The following TTC28 variants were observed in gnomAD, a reference collection of about 807,000 sequenced individuals.
TTC28 encodes the protein tetratricopeptide repeat protein 28.
Under a neutral mutation model 198.0 loss-of-function variants are expected in TTC28, and 61 were observed. That is an observed-to-expected ratio of 0.31 (90% CI 0.25 to 0.38). The LOEUF (loss-of-function observed/expected upper bound fraction) is 0.38. TTC28 is among the 10% of genes least tolerant of loss of function. The probability of loss-of-function intolerance (pLI) is 1.00; values close to 1 mark genes in which losing one functional copy is unlikely to be tolerated. For synonymous variants in TTC28, 1,171 were observed against 1,297.8 expected, an observed-to-expected ratio of 0.90 and a Z score of 2.10; for missense variants, 2,678 against 3,164.0, an observed-to-expected ratio of 0.85 and a Z score of 3.69.
intron 12 of TTC28, among the ~76,000 whole-genome samples, chr22:28,064,583 TA>T (rs1291659710): frequency 1.3e-5 from 2 of 152,134 alleles, no homozygotes; most frequent in African/African-American, 2.4e-5. Context: ...GATAATGGAA[TA>T]AAAATATTTT....
intron 5 of TTC28, among the ~76,000 whole-genome samples, chr22:28,179,807 C>G (rs1471926740): frequency 6.6e-6 from 1 of 152,136 alleles, no homozygotes; most frequent in Admixed American, 6.5e-5. Flanking sequence ...CCTGGCCAAT[C>G]CTGACCAATA....
intron 6 of TTC28, among the ~76,000 whole-genome samples, chr22:28,141,149 G>T (rs1943323487): frequency 6.6e-6 from 1 of 152,160 alleles, no homozygotes; most frequent in African/African-American, 2.4e-5. Context: ...GCTTCATTCA[G>T]GTCTCTGCTC....
At chr22:28,446,480 C>T (rs1473040332) in intron 2 of TTC28, among the ~76,000 whole-genome samples, 3 of 152,118 alleles carry the variant, frequency 2.0e-5, no homozygotes, top group Non-Finnish European at 4.4e-5. Context: ...GATCATGGGG[C>T]TGGATCCCTC....
At chr22:28,325,796 C>T (rs900270252) in intron 2 of TTC28, among the ~76,000 whole-genome samples, 10 of 152,060 alleles carry the variant, frequency 6.6e-5, no homozygotes, top group Non-Finnish European at 1.3e-4. Flanking sequence ...TAGAATACCA[C>T]TATATACCTA....
In TTC28 at chr22:27,981,941, G is replaced by A; in HGVS notation, c.*280C>T. 1 of 361,810 alleles carries A rather than the reference G, an allele frequency of 2.8e-6. No individual in the cohort carries two copies. The highest frequency in any genetic ancestry group is 4.9e-6 in the Non-Finnish European group (1 of 203,064). 22.4% of individuals were successfully genotyped at this position (361,810 alleles called of 1,614,324 possible). A position where few individuals can be genotyped will look rare whatever the true frequency, so the allele number is the denominator to read the frequency against. On this transcript the variant is annotated 3_prime_UTR_variant, in exon 23 of 23. Coordinates refer to ENST00000397906, the MANE Select transcript of TTC28 (RefSeq NM_001145418.2). The stretch of plus-strand genomic sequence containing the variant: ...TGAAGAATCATATCAAAGATGAGAA[G>A]CAGGGAGTTCAAAGGTAAACAAACA...
chr22:28,223,792 G>C (rs1357990400), intron 5 of TTC28, among the ~76,000 whole-genome samples: 1 of 152,086 alleles, frequency 6.6e-6, no homozygotes, highest in Non-Finnish European at 1.5e-5. Context: ...AATTAATATA[G>C]TAAAGTTCAC....
chr22:28,456,091 G>GGAGGTTGCAGTGAGCC (rs2047854982), intron 2 of TTC28, among the ~76,000 whole-genome samples: 1 of 151,470 alleles, frequency 6.6e-6, no homozygotes, highest in Non-Finnish European at 1.5e-5. Flanking sequence ...CCTGGGAGGT[G>GGAGGTTGCAGTGAGCC]GAGGTTGCAG....
intron 4 of TTC28, 33 bp from the exon 5 acceptor site, chr22:28,296,361 A>C: frequency 6.7e-7 from 1 of 1,485,094 alleles, no homozygotes; most frequent in Non-Finnish European, 8.9e-7. Flanking sequence ...AAAAGAAAAA[A>C]TTTCTCTAAG....
At chr22:28,328,102 T>C (rs1195835834) in intron 2 of TTC28, among the ~76,000 whole-genome samples, 2 of 151,986 alleles carry the variant, frequency 1.3e-5, no homozygotes, top group Non-Finnish European at 2.9e-5. Flanking sequence ...AAACATGTAA[T>C]AAAGAATAAT....
At chr22:28,435,672 T>G (rs2047509555) in intron 2 of TTC28, among the ~76,000 whole-genome samples, 1 of 152,212 alleles carries the variant, frequency 6.6e-6, no homozygotes, top group South Asian at 2.1e-4. Flanking sequence ...TGGCAATGTT[T>G]ACTGGCTAGC....
At chr22:28,341,810 T>A (rs1011878284) in intron 2 of TTC28, among the ~76,000 whole-genome samples, 3 of 151,008 alleles carry the variant, frequency 2.0e-5, no homozygotes, top group African/African-American at 7.3e-5. Flanking sequence ...TAAAATAAAA[T>A]AAAAAAATAA....
intron 12 of TTC28, among the ~76,000 whole-genome samples, chr22:28,057,819 C>T (rs1940350126): frequency 6.6e-6 from 1 of 152,030 alleles, no homozygotes; most frequent in Admixed American, 6.6e-5. Flanking sequence ...TAGATATACC[C>T]AGTTGTTCCA....
At chr22:28,635,982 C>CCTAACCCTAACCCTA (rs1480688672) in intron 1 of TTC28, among the ~76,000 whole-genome samples, 59 of 152,008 alleles carry the variant, frequency 3.9e-4, no homozygotes, top group Admixed American at 7.2e-4. Flanking sequence ...CCCTGATAAC[C>CCTAACCCTAACCCTA]ACCCTTCTAC....
chr22:28,426,282 G>A (rs16986408), intron 2 of TTC28, among the ~76,000 whole-genome samples: 2,431 of 151,532 alleles, frequency 0.016, 88 homozygotes, highest in African/African-American at 0.057. Flanking sequence ...TCAATGAATG[G>A]CCCAACCTAG....
At chr22:28,224,594 T>C (rs1008350048) in intron 5 of TTC28, among the ~76,000 whole-genome samples, 2 of 152,100 alleles carry the variant, frequency 1.3e-5, no homozygotes, top group Non-Finnish European at 2.9e-5. Context: ...GAAACTGATA[T>C]AGGGCTAGGT....
intron 2 of TTC28, among the ~76,000 whole-genome samples, chr22:28,515,626 C>T (rs117845115): frequency 0.025 from 3,852 of 152,202 alleles, 69 homozygotes; most frequent in South Asian, 0.039. Flanking sequence ...AGAGCACTCA[C>T]TTTGAAGGGG....
intron 10 of TTC28, among the ~76,000 whole-genome samples, chr22:28,097,605 T>C (rs1433070133): frequency 6.6e-6 from 1 of 152,206 alleles, no homozygotes; most frequent in South Asian, 2.1e-4. Context: ...TTATAAGTGC[T>C]GAAGGAACAC....
chr22:28,496,211 C>T (rs1381094327), intron 2 of TTC28, among the ~76,000 whole-genome samples: 2 of 152,074 alleles, frequency 1.3e-5, no homozygotes, highest in East Asian at 3.9e-4. Flanking sequence ...ATTTATACTC[C>T]ATTCATTTGT....
At chr22:28,600,359 C>T (rs2050619467) in intron 2 of TTC28, among the ~76,000 whole-genome samples, 1 of 152,124 alleles carries the variant, frequency 6.6e-6, no homozygotes, top group Non-Finnish European at 1.5e-5. Context: ...TAGCTGTAAT[C>T]ACGCCACTGC....
Sources: gnomAD v4.1 joint callset for allele counts (sites outside exome capture counted in the v4.1 genomes callset) on GRCh38, gnomAD v4.1.1 for gene constraint, MANE v1.5 for transcripts, NCBI Gene and HGNC (gene_info 2026-07-23, HGNC 2026-07-21) for gene names.